Variants in ZNF786 observed in about 807,000 individuals in gnomAD.
ZNF786 encodes zinc finger protein 786.
Under a neutral mutation model 63.1 loss-of-function variants are expected in ZNF786, and 56 were observed. That is an observed-to-expected ratio of 0.89 (90% CI 0.72 to 1.11). The LOEUF (loss-of-function observed/expected upper bound fraction) is 1.11. Among genes scored for constraint, ZNF786 ranks in the 50% least tolerant of loss-of-function variants. The pLI is 0.00. For synonymous variants in ZNF786, 485 were observed against 406.9 expected, an observed-to-expected ratio of 1.19 and a Z score of -2.31; for missense variants, 1,213 against 1,041.8, an observed-to-expected ratio of 1.16 and a Z score of -2.26.
intron 2 of ZNF786, among the ~76,000 whole-genome samples, chr7:149,077,539 A>G (rs1404655758): frequency 6.6e-6 from 1 of 152,058 alleles, no homozygotes; most frequent in Non-Finnish European, 1.5e-5. Flanking sequence ...GAGGCAGGAG[A>G]ATGGTGTGAA....
chr7:149,089,099 C>T (rs1042134613), intron 1 of ZNF786, among the ~76,000 whole-genome samples: 1 of 151,464 alleles, frequency 6.6e-6, no homozygotes, highest in Non-Finnish European at 1.5e-5. Context: ...AGGCTCCCGC[C>T]CACACGCCCA....
At chr7:149,084,486 G>A (rs1825699880) in intron 1 of ZNF786, among the ~76,000 whole-genome samples, 1 of 150,990 alleles carries the variant, frequency 6.6e-6, no homozygotes, top group Non-Finnish European at 1.5e-5. Flanking sequence ...CTGTAACCTT[G>A]TTTTTAACTT....
rs1282077258 is a variant in ZNF786, at chr7:149,088,960, T to TC, written c.18+1662_18+1663insG. On this transcript the variant is annotated intron_variant, in intron 1 of 3. Transcript: ENST00000491431. ...GGGATCTGGCCCTGTTGAGTTTCTT[T>TC]TTTTTTTTTTTTTGGAGACAGAGTC... 2.4e-3 allele frequency among the ~76,000 whole-genome samples: 349 copies of TC among 142,744 alleles called. 1 individual carries two copies. Among genetic ancestry groups the TC allele is most frequent in the Non-Finnish European group, 4.1e-3 (275 of 66,316 alleles). The allele number at this position is 142,744 out of a possible 152,430, so 93.6% of individuals were successfully genotyped here. A position where few individuals can be genotyped will look rare whatever the true frequency, so the allele number is the denominator to read the frequency against.
chr7:149,071,771 C>A lies in ZNF786; in HGVS notation c.1001G>T (p.Ser334Ile). ...TGGTTTCTGTCCCGAGTGCACACTGCTGGAGGCCCCGCGGCCTTCTCTCCA... is the reference window on the plus strand; with the variant it reads ...TGGTTTCTGTCCCGAGTGCACACTGATGGAGGCCCCGCGGCCTTCTCTCCA... Reference protein sequence around the residue: ...ASWREGRGASSSVHSGQKPGS... With the variant: ...ASWREGRGASISVHSGQKPGS... Residue 334 changes from serine to isoleucine, a missense_variant, in exon 4 of 4, where the codon AGC becomes ATC. Physicochemically the swap from Ser to Ile is moderately radical, Grantham distance 142 (BLOSUM62 -2). Coordinates refer to ENST00000491431, the MANE Select transcript of ZNF786 (RefSeq NM_152411.4). 1 of 1,583,234 alleles carries A rather than the reference C, an allele frequency of 6.3e-7. No individual in the cohort carries two copies. The highest frequency in any genetic ancestry group is 8.5e-7 in the Non-Finnish European group (1 of 1,170,398).
At position 149,071,973 on chromosome 7, in the gene ZNF786, G is replaced by T. The variant is rs1563136767; in HGVS notation, c.799C>A (p.Pro267Thr). Residue 267 changes from proline to threonine, a missense_variant, in exon 4 of 4, where the codon CCC becomes ACC. Physicochemically the swap from Pro to Thr is conservative, Grantham distance 38 (BLOSUM62 -1). Coordinates refer to ENST00000491431, the MANE Select transcript of ZNF786 (RefSeq NM_152411.4). ...RHLAAHTGRG[P>T]FRNADGEMCF... Reference sequence around the variant, plus strand: ...ATTTCACCGTCAGCGTTCCGGAAGGGGCCCCTCCCCGTGTGGGCCGCCAGA... The same window carrying T: ...ATTTCACCGTCAGCGTTCCGGAAGGTGCCCCTCCCCGTGTGGGCCGCCAGA... 6.2e-7 allele frequency: 1 copy of T among 1,612,522 alleles called. No individual in the cohort carries two copies. The highest frequency in any genetic ancestry group is 1.1e-5 in the South Asian group (1 of 91,082).
rs1825486450 is a variant in ZNF786 at position 149,073,754 on chromosome 7, T to TGTGA, written c.298+631_298+632insTCAC. 3.9e-5 allele frequency among the ~76,000 whole-genome samples: 3 copies of TGTGA among 77,216 alleles called. No individual in the cohort carries two copies. In the South Asian group the frequency reaches 1.6e-3, roughly 41 times the overall value. 50.7% of individuals were successfully genotyped at this position (77,216 alleles called of 152,430 possible). A position where few individuals can be genotyped will look rare whatever the true frequency, so the allele number is the denominator to read the frequency against. ...GTGTGTGTGTGTGTGTGTGTATATA[T>TGTGA]ATATATATATATATATATATATATA... On this transcript the variant is annotated intron_variant, in intron 3 of 3. Coordinates refer to ENST00000491431, the MANE Select transcript of ZNF786 (RefSeq NM_152411.4).
chr7:149,072,368 C>T lies in ZNF786; in HGVS notation c.404G>A (p.Gly135Asp). 3.7e-6 allele frequency: 6 copies of T among 1,613,154 alleles called. No individual in the cohort carries two copies. The highest frequency in any genetic ancestry group is 4.2e-6 in the Non-Finnish European group (5 of 1,179,608). Reference sequence around the variant, plus strand: ...TCTCTGTGGGCTCCCGAGGGTGATGCCTTGGTCAGGCCTGAAGGAAACAAA... The same window carrying T: ...TCTCTGTGGGCTCCCGAGGGTGATGTCTTGGTCAGGCCTGAAGGAAACAAA... ...GSFVSFRPDQGITLGSPQRHD... is the reference protein window; with the variant it reads ...GSFVSFRPDQDITLGSPQRHD... Residue 135 changes from glycine to aspartate, a missense_variant, in exon 4 of 4, where the codon GGC becomes GAC. Coordinates refer to ENST00000491431, the MANE Select transcript of ZNF786 (RefSeq NM_152411.4).
rs1825414488 is a variant in ZNF786, at chr7:149,071,463, G to A, written c.1309C>T (p.Gln437Ter). The change falls in exon 4 of 4, where the codon CAG becomes TAG. Residue 437 changes from glutamine to a stop codon, truncating the protein, a stop_gained. Transcript: ENST00000491431. LOFTEE classifies it high-confidence loss of function. Reference protein sequence around the residue: ...CRKCGKGFAKQCKLTEHIRVH... With the variant: ...CRKCGKGFAK ...CGAATGTGCTCCGTGAGTTTACACT[G>A]CTTGGCGAAGCCCTTGCCACACTTC... The A allele has an allele frequency of 1.9e-6, 3 of 1,613,220 alleles. No homozygotes were observed. The highest frequency in any genetic ancestry group is 2.5e-6 in the Non-Finnish European group (3 of 1,179,802).
In ZNF786 at chr7:149,070,963, G is replaced by A. The variant is rs1201629232; in HGVS notation, c.1809C>T (p.Arg603=). ...FQCPECNRSF[R]LKGQLLSHQR... ...GATGGCTGAGCAGCTGCCCCTTCAGGCGGAAGCTCCTGTTGCACTCTGGGC... is the reference window on the plus strand; with the variant it reads ...GATGGCTGAGCAGCTGCCCCTTCAGACGGAAGCTCCTGTTGCACTCTGGGC... Residue 603 remains arginine (R), a synonymous_variant, in exon 4 of 4, where the codon CGC becomes CGT. Coordinates refer to ENST00000491431, the MANE Select transcript of ZNF786 (RefSeq NM_152411.4). 6 of 1,613,240 alleles carry A rather than the reference G, an allele frequency of 3.7e-6. No homozygotes were observed. The highest frequency in any genetic ancestry group is 5.1e-6 in the Non-Finnish European group (6 of 1,179,928).
rs1327835277 is a variant in ZNF786 at position 149,072,436 on chromosome 7, G to C, written c.336C>G (p.Ser112Arg). ...QQAMNSGKTKSHFQLDPESQC... is the reference protein window; with the variant it reads ...QQAMNSGKTKRHFQLDPESQC... ...GGCTTTCAGGATCTAATTGGAAATGGCTTTTAGTTTTTCCTGAATTCATAG... is the reference window on the plus strand; with the variant it reads ...GGCTTTCAGGATCTAATTGGAAATGCCTTTTAGTTTTTCCTGAATTCATAG... The change falls in exon 4 of 4, where the codon AGC becomes AGG. Residue 112 changes from serine (S) to arginine (R), a missense_variant. By Grantham distance (110) the Ser-to-Arg change is moderately radical. Transcript: ENST00000491431. 2.5e-6 allele frequency: 4 copies of C among 1,601,870 alleles called. No homozygotes were observed. The Admixed American group carries it at 5.3e-5, about 21-fold the overall frequency.
rs764012023 is a variant in ZNF786, at chr7:149,071,936, T to G, written c.836A>C (p.His279Pro). The part of the protein sequence containing the change: ...RNADGEMCFR[H>P]ELTHPSHRLP... ...GCGGTGGCTGGGATGGGTCAGCTCG[T>G]GTCGGAAGCACATTTCACCGTCAGC... The change falls in exon 4 of 4, where the codon CAC (histidine) becomes CCC (proline). Residue 279 changes from histidine to proline, a missense_variant. His to Pro is a moderately conservative substitution (Grantham distance 77). Transcript: ENST00000491431. The G allele has an allele frequency of 6.2e-7, 1 of 1,610,230 alleles. No individual in the cohort carries two copies. Among genetic ancestry groups the G allele is most frequent in the South Asian group, 1.1e-5 (1 of 91,004 alleles).
intron 1 of ZNF786, among the ~76,000 whole-genome samples, chr7:149,082,762 T>C (rs1825674307): frequency 6.6e-6 from 1 of 151,850 alleles, no homozygotes; most frequent in Non-Finnish European, 1.5e-5. Context: ...TTTGCATTTT[T>C]TGTAGAGACG....
chr7:149,071,912 C>G lies in ZNF786; in HGVS notation c.860G>C (p.Arg287Pro). The G allele has an allele frequency of 6.2e-7, 1 of 1,605,394 alleles. No homozygotes were observed. Among genetic ancestry groups the G allele is most frequent in the Non-Finnish European group, 8.5e-7 (1 of 1,176,806 alleles). Residue 287 changes from arginine to proline, a missense_variant, in exon 4 of 4, where the codon CGC becomes CCC. By Grantham distance (103) the Arg-to-Pro change is moderately radical (BLOSUM62 -2). Transcript: ENST00000491431. ...AGGCTTCTCCCCCTGCTGCGGGAGG[C>G]GGTGGCTGGGATGGGTCAGCTCGTG... ...FRHELTHPSH[R>P]LPQQGEKPAQ...
intron 1 of ZNF786, among the ~76,000 whole-genome samples, chr7:149,081,435 CAAAAAAAAAAAAAA>C (rs749538585): frequency 6.5e-5 from 3 of 46,226 alleles, no homozygotes; most frequent in East Asian, 1.1e-3. Flanking sequence ...GACTCGGTCT[CAAAAAAAAAAAAAA>C]AAAAAAAAAA....
intron 1 of ZNF786, among the ~76,000 whole-genome samples, chr7:149,089,842 T>C (rs1006264523): frequency 6.6e-6 from 1 of 150,830 alleles, no homozygotes; most frequent in African/African-American, 2.4e-5. Flanking sequence ...GCCTCCCGAG[T>C]AGCTGGGATT....
At chr7:149,086,019 G>C (rs905187933) in intron 1 of ZNF786, among the ~76,000 whole-genome samples, 8 of 152,194 alleles carry the variant, frequency 5.3e-5, no homozygotes, top group Non-Finnish European at 1.2e-4. Context: ...GAATCATACA[G>C]TCTGCAAACA....
chr7:149,070,394 G>C lies in ZNF786; in HGVS notation c.*29C>G. 3 of 1,603,428 alleles carry C rather than the reference G, an allele frequency of 1.9e-6. No homozygotes were observed. The highest frequency in any genetic ancestry group is 1.7e-4 in the Middle Eastern group (1 of 5,838). On this transcript the variant is annotated 3_prime_UTR_variant, in exon 4 of 4. Transcript: ENST00000491431. The stretch of plus-strand genomic sequence containing the variant: ...TGGATTCCTGGGCAATACCAATCCT[G>C]CTCAACGCTTTGGATGTCCCACTCT...
rs753378173 is a variant in ZNF786 at position 149,090,652 on chromosome 7, T to C, written c.-12A>G. On this transcript the variant is annotated 5_prime_UTR_variant, in exon 1 of 4. Coordinates refer to ENST00000491431, the MANE Select transcript of ZNF786 (RefSeq NM_152411.4). Reference sequence around the variant, plus strand: ...GGCGGCTCCGCCATGGTCCCCGCGGTCCCGCCCGGCCCTGGCAAACCCGAC... The same window carrying C: ...GGCGGCTCCGCCATGGTCCCCGCGGCCCCGCCCGGCCCTGGCAAACCCGAC... The C allele has an allele frequency of 6.9e-6, 11 of 1,584,640 alleles. No individual in the cohort carries two copies. Among genetic ancestry groups the C allele is most frequent in the Non-Finnish European group, 9.4e-6 (11 of 1,164,540 alleles).
At chr7:149,087,677 G>A (rs1315484357) in intron 1 of ZNF786, among the ~76,000 whole-genome samples, 9 of 152,064 alleles carry the variant, frequency 5.9e-5, no homozygotes, top group Non-Finnish European at 1.0e-4. Context: ...ATTCACCTCC[G>A]GGGTCACAAC....
Sources: gnomAD v4.1 joint callset for allele counts (sites outside exome capture counted in the v4.1 genomes callset) on GRCh38, gnomAD v4.1.1 for gene constraint, MANE v1.5 for transcripts, NCBI Gene and HGNC (gene_info 2026-07-23, HGNC 2026-07-21) for gene names.